Variants in ABCA12 observed in about 807,000 individuals in gnomAD.
ABCA12 encodes the protein ATP binding cassette subfamily A member 12.
ABCA12 carries 156 observed loss-of-function variants against 293.5 expected under a neutral mutation model. The ratio of observed to expected loss-of-function variants is 0.53; its 90% CI spans 0.47 to 0.61. The LOEUF is 0.61. ABCA12 is among the 20% of genes least tolerant of loss of function. The probability of loss-of-function intolerance (pLI) is 0.00; values close to 1 mark genes in which losing one functional copy is unlikely to be tolerated. For missense variants in ABCA12, 2,797 were observed against 3,090.2 expected, an observed-to-expected ratio of 0.91 and a Z score of 2.25; for synonymous variants, 1,063 against 1,108.0, an observed-to-expected ratio of 0.96 and a Z score of 0.81.
chr2:215,132,171 G>A (rs1189376259), intron 1 of ABCA12, among the ~76,000 whole-genome samples: 1 of 151,888 alleles, frequency 6.6e-6, no homozygotes, highest in East Asian at 1.9e-4. Context: ...AGTTAATTTT[G>A]GAGACTGTTT....
rs75906563 is a variant in ABCA12 at position 214,964,336 on chromosome 2, C to G, written c.5884+2512G>C. Among the ~76,000 whole-genome samples, 192 of 152,284 alleles carry G rather than the reference C, an allele frequency of 1.3e-3. 3 individuals are homozygous for G. The East Asian group carries it at 0.029, about 23-fold the overall frequency. Reference sequence around the variant, plus strand: ...CTGGCACAAGACAAGGATATGCTCTCTCACCACTCCTATTCAACATAGTAT... The same window carrying G: ...CTGGCACAAGACAAGGATATGCTCTGTCACCACTCCTATTCAACATAGTAT... On this transcript the variant is annotated intron_variant, in intron 39 of 52. Coordinates refer to ENST00000272895, the MANE Select transcript of ABCA12 (RefSeq NM_173076.3).
chr2:215,012,191 C>T, intron 15 of ABCA12, 56 bp from the exon 16 acceptor site: 2 of 1,538,090 alleles, frequency 1.3e-6, no homozygotes, highest in Non-Finnish European at 1.8e-6. Context: ...AATCCTCATG[C>T]ATTGTTGGTA....
intron 8 of ABCA12, among the ~76,000 whole-genome samples, chr2:215,033,140 C>G (rs138021596): frequency 6.6e-6 from 1 of 152,130 alleles, no homozygotes; most frequent in Non-Finnish European, 1.5e-5. Flanking sequence ...AATATTATTG[C>G]TCTAATAACA....
At chr2:215,004,334 A>AG (rs1700208771) in intron 19 of ABCA12, 35 bp from the exon 20 acceptor site, 1 of 1,505,196 alleles carries the variant, frequency 6.6e-7, no homozygotes, top group Non-Finnish European at 9.2e-7. Context: ...GTTTCAATAC[A>AG]AGAAAAATCA....
chr2:215,039,055 A>G (rs1239434326), intron 7 of ABCA12: 1 of 152,222 alleles, frequency 6.6e-6, no homozygotes, highest in Admixed American at 6.5e-5. Flanking sequence ...ATTTTTAAAA[A>G]GAGTTTTTGT....
At chr2:215,130,215 T>TG (rs1703023993) in intron 1 of ABCA12, among the ~76,000 whole-genome samples, 1 of 150,674 alleles carries the variant, frequency 6.6e-6, no homozygotes, top group South Asian at 2.1e-4. Flanking sequence ...GGCTTTCTCT[T>TG]GGTTCTATGT....
At chr2:215,125,357 G>T (rs1374178810) in intron 1 of ABCA12, among the ~76,000 whole-genome samples, 1 of 152,016 alleles carries the variant, frequency 6.6e-6, no homozygotes, top group African/African-American at 2.4e-5. Flanking sequence ...ATTTTGATGG[G>T]TATTGCATTG....
intron 2 of ABCA12, among the ~76,000 whole-genome samples, chr2:215,098,492 C>G (rs1702290995): frequency 6.6e-6 from 1 of 152,194 alleles, no homozygotes; most frequent in African/African-American, 2.4e-5. Flanking sequence ...TTCCCATTTT[C>G]CACTGACTTG....
chr2:215,021,760 C>T (rs1700635793), intron 11 of ABCA12, among the ~76,000 whole-genome samples: 1 of 131,888 alleles, frequency 7.6e-6, no homozygotes, highest in African/African-American at 2.9e-5. Context: ...AATGATATGT[C>T]TTTAATGAGA....
At chr2:214,998,378 G>C (rs1021499414) in intron 22 of ABCA12, among the ~76,000 whole-genome samples, 1 of 152,092 alleles carries the variant, frequency 6.6e-6, no homozygotes, top group Non-Finnish European at 1.5e-5. Flanking sequence ...GGCTGGTCTC[G>C]AATTCCTGGC....
intron 14 of ABCA12, chr2:215,017,729 G>C (rs558851831): frequency 2.7e-6 from 1 of 374,340 alleles, no homozygotes; most frequent in African/African-American, 2.1e-5. Flanking sequence ...CAAGCTCATT[G>C]ATTGAGGAAG....
chr2:215,064,336 C>G, intron 2 of ABCA12, 117 bp from the exon 3 acceptor site: 1 of 1,046,082 alleles, frequency 9.6e-7, no homozygotes. Flanking sequence ...TCCGGGTCCC[C>G]CAACTGAGCC....
At chr2:214,938,713 C>T (rs1698301295) in intron 50 of ABCA12, among the ~76,000 whole-genome samples, 1 of 151,918 alleles carries the variant, frequency 6.6e-6, no homozygotes, top group Admixed American at 6.6e-5. Context: ...CTCTAATGAC[C>T]AGTAATGAGA....
At chr2:215,123,029 T>C (rs1309567999) in intron 1 of ABCA12, among the ~76,000 whole-genome samples, 1 of 152,198 alleles carries the variant, frequency 6.6e-6, no homozygotes, top group Non-Finnish European at 1.5e-5. Flanking sequence ...TGAGAACATA[T>C]GATATGTGAT....
chr2:215,102,032 T>TGA (rs1451428387), intron 2 of ABCA12, among the ~76,000 whole-genome samples: 1 of 151,828 alleles, frequency 6.6e-6, no homozygotes, highest in African/African-American at 2.4e-5. Context: ...TGTACACGTG[T>TGA]GTGTGTGTGT....
rs191097379 is a variant in ABCA12, at chr2:214,998,409, C to T, written c.3180-600G>A. 3.3e-5 allele frequency among the ~76,000 whole-genome samples: 5 copies of T among 152,270 alleles called. No individual in the cohort carries two copies. In the East Asian group the frequency reaches 9.7e-4, roughly 29 times the overall value. On this transcript the variant is annotated intron_variant, in intron 22 of 52. Transcript: ENST00000272895. Reference sequence around the variant, plus strand: ...CTGGCCTCAAGTGATCCACCTGCCTCGGCCTCCCAAAGTGCTGGGATTACA... The same window carrying T: ...CTGGCCTCAAGTGATCCACCTGCCTTGGCCTCCCAAAGTGCTGGGATTACA...
At chr2:215,123,955 G>A (rs1307191066) in intron 1 of ABCA12, among the ~76,000 whole-genome samples, 1 of 152,042 alleles carries the variant, frequency 6.6e-6, no homozygotes. Context: ...AAAGTCCATT[G>A]CATCATTCTT....
chr2:215,065,893 A>G (rs1233581706), intron 2 of ABCA12, among the ~76,000 whole-genome samples: 1 of 152,120 alleles, frequency 6.6e-6, no homozygotes, highest in Non-Finnish European at 1.5e-5. Flanking sequence ...GAAAACTCAG[A>G]AGAAATTGGA....
intron 2 of ABCA12, among the ~76,000 whole-genome samples, chr2:215,099,918 C>G (rs751114413): frequency 7.2e-5 from 11 of 152,072 alleles, no homozygotes; most frequent in Non-Finnish European, 1.5e-4. Context: ...TAACTCTTCA[C>G]AGACTTCCAA....
Sources: allele counts gnomAD v4.1 joint callset (sites outside exome capture counted in the v4.1 genomes callset), GRCh38; gene constraint gnomAD v4.1.1; transcripts MANE v1.5; gene names NCBI Gene and HGNC (gene_info 2026-07-23, HGNC 2026-07-21).